LAMA2: variants seen among roughly 807,000 people sequenced by gnomAD.
LAMA2 encodes laminin subunit alpha 2.
In LAMA2, 269 loss-of-function variants were observed where a neutral mutation model predicts 364.8. The ratio of observed to expected loss-of-function variants is 0.74; its 90% CI spans 0.67 to 0.82. The LOEUF is 0.82. Among genes scored for constraint, LAMA2 ranks in the 40% least tolerant of loss-of-function variants. The pLI, the probability that LAMA2 is intolerant of heterozygous loss-of-function variation, is 0.00. For missense variants in LAMA2, 3,807 were observed against 3,873.2 expected (o/e 0.98, Z 0.45); for synonymous variants, 1,379 against 1,370.6 (o/e 1.01, Z -0.14).
chr6:129,248,164 T>G (rs760572126), intron 12 of LAMA2, among the ~76,000 whole-genome samples: 1 of 152,192 alleles, frequency 6.6e-6, no homozygotes, highest in Non-Finnish European at 1.5e-5. Context: ...GGATCTAGGC[T>G]GCACGCTCCT....
chr6:129,380,390 G>A (rs1452420189), intron 34 of LAMA2, among the ~76,000 whole-genome samples: 1 of 151,948 alleles, frequency 6.6e-6, no homozygotes, highest in Non-Finnish European at 1.5e-5. Context: ...TATAAGTTAG[G>A]CATCATACTA....
chr6:129,168,540 C>G (rs1238625953), intron 9 of LAMA2, among the ~76,000 whole-genome samples: 1 of 151,154 alleles, frequency 6.6e-6, no homozygotes, highest in African/African-American at 2.4e-5. Flanking sequence ...GTTTTGGTAC[C>G]AGTACCATGC....
In LAMA2 at chr6:129,493,406, A is replaced by C. The variant is rs554760977; in HGVS notation, c.8244+923A>C. The stretch of plus-strand genomic sequence containing the variant: ...TGTCCAATCTATTTCTCAGTTTCCC[A>C]TCCAAGTACTAACCGGGCCCAACCC... On this transcript the variant is annotated intron_variant, in intron 58 of 64. Coordinates refer to ENST00000421865, the MANE Select transcript of LAMA2 (RefSeq NM_000426.4). Among the ~76,000 whole-genome samples, 3 of 152,310 alleles carry C rather than the reference A, an allele frequency of 2.0e-5. No homozygotes were observed. In the South Asian group the frequency reaches 6.2e-4, roughly 32 times the overall value.
At chr6:129,296,335 T>C (rs17057083) in intron 20 of LAMA2, among the ~76,000 whole-genome samples, 5,845 of 152,074 alleles carry the variant, frequency 0.038, 352 homozygotes, top group African/African-American at 0.13. Context: ...GGTTAGTTTT[T>C]TTTATATAGG....
At chr6:128,902,307 C>T (rs535097725) in intron 1 of LAMA2, among the ~76,000 whole-genome samples, 149 of 152,326 alleles carry the variant, frequency 9.8e-4, no homozygotes, top group Admixed American at 2.4e-3. Context: ...TTCCTATTCC[C>T]TTTAAATATT....
At chr6:129,359,728 G>A (rs1030397958) in intron 32 of LAMA2, among the ~76,000 whole-genome samples, 19 of 138,474 alleles carry the variant, frequency 1.4e-4, no homozygotes, top group Admixed American at 3.9e-4. Context: ...TTTATGTATC[G>A]CTACCTAAAA....
At chr6:129,385,453 A>G (rs1333410661) in intron 35 of LAMA2, among the ~76,000 whole-genome samples, 1 of 152,090 alleles carries the variant, frequency 6.6e-6, no homozygotes, top group Non-Finnish European at 1.5e-5. Context: ...AGGGATAACC[A>G]TCAGTACTTT....
chr6:129,148,034 T>A (rs947118254), intron 6 of LAMA2, among the ~76,000 whole-genome samples: 9 of 152,078 alleles, frequency 5.9e-5, no homozygotes, highest in African/African-American at 2.2e-4. Flanking sequence ...TATCAACCCA[T>A]CACCTAGGCA....
At chr6:129,354,398 GA>G (rs1777037947) in intron 32 of LAMA2, among the ~76,000 whole-genome samples, 1 of 152,070 alleles carries the variant, frequency 6.6e-6, no homozygotes, top group Non-Finnish European at 1.5e-5. Flanking sequence ...AGGTAGGTGA[GA>G]GGGGAGAGAT....
At chr6:129,418,435 G>A (rs565487089) in intron 40 of LAMA2, among the ~76,000 whole-genome samples, 2 of 152,044 alleles carry the variant, frequency 1.3e-5, no homozygotes, top group African/African-American at 4.8e-5. Flanking sequence ...GAATGGCTAT[G>A]ATAGTCCAGA....
chr6:129,030,241 T>G (rs1329109403), intron 1 of LAMA2, among the ~76,000 whole-genome samples: 1 of 152,118 alleles, frequency 6.6e-6, no homozygotes, highest in African/African-American at 2.4e-5. Flanking sequence ...AATTTAATGT[T>G]TCCAATGTAG....
rs201122410 is a variant in LAMA2, at chr6:129,260,746, A to G, written c.2132A>G (p.Tyr711Cys). 294 of 1,612,592 alleles carry G rather than the reference A, an allele frequency of 1.8e-4. 1 individual carries two copies. Among genetic ancestry groups the G allele is most frequent in the South Asian group, 2.3e-4 (21 of 91,072 alleles). ...SSVNLESAVS[Y>C]PTDGSIAAAV... ...GTTAACCTTGAATCCGCTGTCTCCTATCCTACTGATGGAAGCATTGCAGCA... is the reference window on the plus strand; with the variant it reads ...GTTAACCTTGAATCCGCTGTCTCCTGTCCTACTGATGGAAGCATTGCAGCA... Residue 711 changes from tyrosine (Y) to cysteine (C), a missense_variant, in exon 15 of 65, where the codon TAT becomes TGT. Tyr to Cys is a radical substitution (Grantham distance 194). Around this residue, in one of 3 missense-constraint regions of LAMA2, gnomAD observed 3,333 missense variants for 3,345.7 expected, o/e 1.00. Transcript: ENST00000421865.
chr6:129,254,539 AG>A (rs1562382971), intron 14 of LAMA2, among the ~76,000 whole-genome samples: 1 of 152,340 alleles, frequency 6.6e-6, no homozygotes, highest in East Asian at 1.9e-4. Context: ...TTCATCCCAA[AG>A]GATCACATTT....
intron 1 of LAMA2, among the ~76,000 whole-genome samples, chr6:128,884,316 TA>T (rs150013984): frequency 3.2e-4 from 47 of 147,912 alleles, no homozygotes; most frequent in African/African-American, 7.9e-4. Context: ...TGTATCAAAG[TA>T]AAAAAAAAAG....
intron 1 of LAMA2, among the ~76,000 whole-genome samples, chr6:129,047,461 G>T (rs767350806): frequency 6.6e-6 from 1 of 152,146 alleles, no homozygotes; most frequent in Non-Finnish European, 1.5e-5. Context: ...GAAAAATTGG[G>T]AACCTCAACT....
At chr6:129,065,318 C>G (rs1429977596) in intron 3 of LAMA2, among the ~76,000 whole-genome samples, 1 of 152,120 alleles carries the variant, frequency 6.6e-6, no homozygotes, top group East Asian at 1.9e-4. Context: ...TAGTGAAAAG[C>G]TGAAAGGTTT....
intron 12 of LAMA2, among the ~76,000 whole-genome samples, chr6:129,226,655 T>C (rs1784303865): frequency 6.6e-6 from 1 of 152,024 alleles, no homozygotes; most frequent in Admixed American, 6.6e-5. Context: ...TGTTGAATAT[T>C]GGCCCCCACT....
chr6:129,454,090 G>A (rs1188360977), intron 46 of LAMA2, 65 bp from the exon 47 acceptor site: 1 of 1,390,492 alleles, frequency 7.2e-7, no homozygotes, highest in African/African-American at 1.4e-5. Flanking sequence ...AAAACACTCT[G>A]CTGGTCTCCT....
chr6:129,417,491 A>C (rs1180460989), intron 40 of LAMA2, among the ~76,000 whole-genome samples: 1 of 151,996 alleles, frequency 6.6e-6, no homozygotes, highest in Admixed American at 6.5e-5. Flanking sequence ...GAGCTGGCCC[A>C]AAAAAAGCAC....
Sources: gnomAD v4.1 joint callset for allele counts (sites outside exome capture counted in the v4.1 genomes callset) on GRCh38, gnomAD v4.1.1 for gene constraint, gnomAD v4.1.1 regional missense constraint, MANE v1.5 for transcripts, NCBI Gene and HGNC (gene_info 2026-07-23, HGNC 2026-07-21) for gene names.